ARHGAP6: variants seen among roughly 807,000 people sequenced by gnomAD.
ARHGAP6 encodes the protein Rho GTPase activating protein 6, also known as rho GTPase-activating protein 6.
A neutral mutation model predicts 55.7 loss-of-function variants in ARHGAP6; 16 were observed. That is an observed-to-expected ratio of 0.29 (90% confidence interval 0.19 to 0.44). ARHGAP6 has a LOEUF of 0.44. Among genes scored for constraint, ARHGAP6 ranks in the 20% least tolerant of loss-of-function variants. ARHGAP6 has a pLI of 1.00. For missense variants in ARHGAP6, 698 were observed against 808.9 expected, an observed-to-expected ratio of 0.86 and a Z score of 1.66; for synonymous variants, 382 against 360.9, an observed-to-expected ratio of 1.06 and a Z score of -0.66.
chrX:11,207,219 G>C lies in ARHGAP6; in HGVS notation c.749-10223C>G, dbSNP rs371441720. 5.5e-5 allele frequency among the ~76,000 whole-genome samples: 6 copies of C among 108,614 alleles called. No individual in the cohort carries two copies. In the East Asian group the frequency reaches 1.7e-3, roughly 31 times the overall value. The allele number at this position is 108,614 out of a possible 115,157, so 94.3% of individuals were successfully genotyped here. A position where few individuals can be genotyped will look rare whatever the true frequency, so the allele number is the denominator to read the frequency against. ...TTCTTCTTTTTTTTTTTAGATATGG[G>C]GGTCTCACTATGTTGGCCAGGTTGG... On this transcript the variant is annotated intron_variant, in intron 2 of 12. Transcript: ENST00000337414.
intron 1 of ARHGAP6, among the ~76,000 whole-genome samples, chrX:11,412,915 T>C (rs1198658764): frequency 8.9e-6 from 1 of 112,419 alleles, no homozygotes; most frequent in Non-Finnish European, 1.9e-5. Context: ...CCTGTTTCAA[T>C]TTGGATTGCC....
chrX:11,536,588 T>A (rs1055431456), intron 1 of ARHGAP6, among the ~76,000 whole-genome samples: 1 of 112,238 alleles, frequency 8.9e-6, no homozygotes, highest in African/African-American at 3.2e-5. Context: ...CAAATCACAC[T>A]CTGTTTAATA....
intron 1 of ARHGAP6, among the ~76,000 whole-genome samples, chrX:11,433,186 T>C (rs1423676181): frequency 2.7e-5 from 3 of 112,230 alleles, no homozygotes; most frequent in South Asian, 3.8e-4. Flanking sequence ...TGGCACAGCA[T>C]AGTACCATTG....
intron 1 of ARHGAP6, among the ~76,000 whole-genome samples, chrX:11,467,081 T>C (rs748436768): frequency 9.0e-6 from 1 of 111,494 alleles, no homozygotes; most frequent in Non-Finnish European, 1.9e-5. Context: ...CAGGATTCAG[T>C]GGACAAAATG....
intron 1 of ARHGAP6, among the ~76,000 whole-genome samples, chrX:11,360,280 T>C (rs1428237116): frequency 1.7e-4 from 19 of 111,554 alleles, no homozygotes; most frequent in African/African-American, 3.3e-4. Context: ...AAACCGAATC[T>C]AGCAGCACAT....
rs1455333892 is a variant in ARHGAP6 at position 11,139,082 on chromosome X, T to C, written c.2706A>G (p.Glu902=). ...CCTGGTCCGTGGGTGTCTCCACGCCTTCCGGGGGCCCCTGGATCCAGGCTG... is the reference window on the plus strand; with the variant it reads ...CCTGGTCCGTGGGTGTCTCCACGCCCTCCGGGGGCCCCTGGATCCAGGCTG... ...AAAAWIQGPP[E]GVETPTDQGG... Residue 902 remains glutamate, a synonymous_variant, in exon 13 of 13, where the codon GAA becomes GAG. Transcript: ENST00000337414. 1 of 1,203,272 alleles carries C rather than the reference T, an allele frequency of 8.3e-7. No homozygotes were observed.
chrX:11,509,505 T>G (rs1294430939), intron 1 of ARHGAP6, among the ~76,000 whole-genome samples: 1 of 111,894 alleles, frequency 8.9e-6, no homozygotes, highest in Non-Finnish European at 1.9e-5. Context: ...TCTTTTCATA[T>G]GCAAACACTG....
At chrX:11,165,710 A>T (rs2046008546) in intron 9 of ARHGAP6, among the ~76,000 whole-genome samples, 1 of 111,630 alleles carries the variant, frequency 9.0e-6, no homozygotes, top group African/African-American at 3.3e-5. Flanking sequence ...AGCTCATTCC[A>T]ATGCACATGG....
At chrX:11,539,209 G>C (rs918221469) in intron 1 of ARHGAP6, among the ~76,000 whole-genome samples, 1 of 111,223 alleles carries the variant, frequency 9.0e-6, no homozygotes, top group Non-Finnish European at 1.9e-5. Context: ...TACCCACTAG[G>C]TGTTACTATA....
chrX:11,484,850 C>A (rs1287345598), intron 1 of ARHGAP6, among the ~76,000 whole-genome samples: 1 of 111,588 alleles, frequency 9.0e-6, no homozygotes, highest in Non-Finnish European at 1.9e-5. Context: ...CTTTATTTTT[C>A]TAACTTTACA....
Position 11,415,821 on chromosome X carries a change from T to C in ARHGAP6, c.589-161114A>G, listed in dbSNP as rs140395346. Among the ~76,000 whole-genome samples, 336 of 112,079 alleles carry C rather than the reference T, an allele frequency of 3.0e-3. 1 individual carries two copies. Among genetic ancestry groups the C allele is most frequent in the African/African-American group, 0.01 (321 of 30,842 alleles). ...CAGGATAGATACACATGGGACAGAA[T>C]TGACAGAAGAGCCTTGACACTTTGG... is the stretch of plus-strand genomic sequence containing the variant. On this transcript the variant is annotated intron_variant, in intron 1 of 12. Coordinates refer to ENST00000337414, the MANE Select transcript of ARHGAP6 (RefSeq NM_013427.3).
intron 1 of ARHGAP6, among the ~76,000 whole-genome samples, chrX:11,315,985 T>C (rs991419853): frequency 4.5e-5 from 5 of 112,102 alleles, no homozygotes; most frequent in Non-Finnish European, 7.5e-5. Context: ...TCTAAGTCAA[T>C]AGCAACTCAA....
intron 1 of ARHGAP6, among the ~76,000 whole-genome samples, chrX:11,424,768 C>T (rs1402183309): frequency 8.0e-5 from 9 of 112,441 alleles, no homozygotes; most frequent in East Asian, 5.6e-4. Context: ...ATAATCTGAA[C>T]GTGGGAAAAC....
intron 1 of ARHGAP6, among the ~76,000 whole-genome samples, chrX:11,442,955 T>C (rs2050054692): frequency 8.9e-6 from 1 of 112,251 alleles, no homozygotes; most frequent in Non-Finnish European, 1.9e-5. Context: ...GCATTCTTTT[T>C]TCTGTTTTTG....
chrX:11,298,272 C>T (rs758813809), intron 1 of ARHGAP6: 4 of 1,209,787 alleles, frequency 3.3e-6, no homozygotes, highest in Non-Finnish European at 3.4e-6. Flanking sequence ...GAGCATAAGG[C>T]CACCGGTATG....
At chrX:11,512,813 G>T (rs953048975) in intron 1 of ARHGAP6, among the ~76,000 whole-genome samples, 3 of 111,556 alleles carry the variant, frequency 2.7e-5, no homozygotes, top group African/African-American at 9.8e-5. Context: ...ACAGCTGACT[G>T]CACATGCATA....
intron 1 of ARHGAP6, among the ~76,000 whole-genome samples, chrX:11,580,630 T>G (rs1336616937): frequency 8.9e-6 from 1 of 112,625 alleles, no homozygotes; most frequent in Non-Finnish European, 1.9e-5. Flanking sequence ...AAATACTGCT[T>G]CTAAATGCTT....
chrX:11,207,669 G>T (rs2046726389), intron 2 of ARHGAP6, among the ~76,000 whole-genome samples: 1 of 111,869 alleles, frequency 8.9e-6, no homozygotes, highest in South Asian at 3.7e-4. Flanking sequence ...TTTTTGTTTT[G>T]CTTTTTACCT....
intron 1 of ARHGAP6, among the ~76,000 whole-genome samples, chrX:11,518,879 G>T (rs2050879385): frequency 2.3e-5 from 2 of 87,876 alleles, no homozygotes; most frequent in Admixed American, 1.3e-4. Flanking sequence ...GTGAGAATAT[G>T]CAGTGTTTGG....
Sources: gnomAD v4.1 joint callset for allele counts (sites outside exome capture counted in the v4.1 genomes callset) on GRCh38, gnomAD v4.1.1 for gene constraint, MANE v1.5 for transcripts, NCBI Gene and HGNC (gene_info 2026-07-23, HGNC 2026-07-21) for gene names.